BBS4: variants seen among roughly 807,000 people sequenced by gnomAD.
BBS4 encodes BBSome complex member BBS4.
A neutral mutation model predicts 71.4 loss-of-function variants in BBS4; 58 were observed. The observed-to-expected ratio is 0.81, with a 90% confidence interval of 0.66 to 1.01. The LOEUF is 1.01. Among genes scored for constraint, BBS4 ranks in the 50% least tolerant of loss-of-function variants. The pLI is 0.00. For missense variants in BBS4, 660 were observed against 607.9 expected (o/e 1.09, Z -0.90); for synonymous variants, 228 against 216.8 (o/e 1.05, Z -0.46).
intron 13 of BBS4, 119 bp downstream of exon 13, chr15:72,735,301 T>C: frequency 1.3e-6 from 1 of 770,532 alleles, no homozygotes; most frequent in Non-Finnish European, 2.3e-6. Context: ...ATGGCATTAG[T>C]ACATAGCAGA....
intron 4 of BBS4, among the ~76,000 whole-genome samples, chr15:72,712,614 A>G (rs1461021658): frequency 6.6e-6 from 1 of 152,236 alleles, no homozygotes; most frequent in Non-Finnish European, 1.5e-5. Context: ...AAACAGTGGT[A>G]AGTGTATCTA....
At position 72,725,057 on chromosome 15, in the gene BBS4, T is replaced by TATATAG. The variant is rs369692212; in HGVS notation, c.587+403_587+404insTATAGA. ...ATCTGGCTATATATATATATATATA[T>TATATAG]AGAGAGAGAGAGAGAGAGAGAGAGA... On this transcript the variant is annotated intron_variant, in intron 8 of 15. Transcript: ENST00000268057. Among the ~76,000 whole-genome samples the TATATAG allele has an allele frequency of 7.0e-3, 891 of 127,626 alleles. 5 individuals carry two copies. The highest frequency in any genetic ancestry group is 0.012 in the Middle Eastern group (3 of 256). The allele number at this position is 127,626 out of a possible 152,430, so 83.7% of individuals were successfully genotyped here. A position where few individuals can be genotyped will look rare whatever the true frequency, so the allele number is the denominator to read the frequency against.
At chr15:72,706,668 A>G (rs2065269291) in intron 2 of BBS4, among the ~76,000 whole-genome samples, 1 of 152,174 alleles carries the variant, frequency 6.6e-6, no homozygotes, top group African/African-American at 2.4e-5. Flanking sequence ...TTCTACTAAG[A>G]AAATGTGTGT....
At chr15:72,720,342 G>A (rs1361648471) in intron 6 of BBS4, among the ~76,000 whole-genome samples, 1 of 151,804 alleles carries the variant, frequency 6.6e-6, no homozygotes, top group African/African-American at 2.4e-5. Context: ...AAAAATTAGT[G>A]GTCGTGTGCA....
intron 7 of BBS4, 144 bp from the exon 8 acceptor site, chr15:72,724,384 T>A: frequency 8.6e-7 from 1 of 1,166,700 alleles, no homozygotes; most frequent in Non-Finnish European, 1.2e-6. Flanking sequence ...TGGTATGTTT[T>A]GGTCTTTGGG....
chr15:72,711,083 G>A (rs2065362115), intron 3 of BBS4, among the ~76,000 whole-genome samples: 1 of 151,576 alleles, frequency 6.6e-6, no homozygotes, highest in Non-Finnish European at 1.5e-5. Flanking sequence ...TTACAGGCGT[G>A]AGCCACCGCA....
chr15:72,709,179 C>T (rs1376032307), intron 2 of BBS4, among the ~76,000 whole-genome samples: 2 of 152,208 alleles, frequency 1.3e-5, no homozygotes, highest in Non-Finnish European at 2.9e-5. Context: ...GCTTATTTTG[C>T]AGCTCAGGTG....
Position 72,735,111 on chromosome 15 carries a change from A to G in BBS4, c.1037-2A>G. The G allele has an allele frequency of 6.2e-7, 1 of 1,612,512 alleles. No individual in the cohort carries two copies. Among genetic ancestry groups the G allele is most frequent in the Non-Finnish European group, 8.5e-7 (1 of 1,178,600 alleles). On this transcript the variant is annotated splice_acceptor_variant, in intron 12 of 15. Transcript: ENST00000268057. LOFTEE classifies it high-confidence loss of function. ...CCAGCTGCAGTGCTTTCTTTGTTGC[A>G]GTGGCTCTGACCAATCTGGAAGATA...
At chr15:72,700,400 C>T (rs1031153727) in intron 2 of BBS4, among the ~76,000 whole-genome samples, 1 of 152,154 alleles carries the variant, frequency 6.6e-6, no homozygotes, top group Non-Finnish European at 1.5e-5. Flanking sequence ...CAGTTTTACC[C>T]GACCGCCAGC....
At chr15:72,695,303 T>A (rs1030259232) in intron 2 of BBS4, 75 bp downstream of exon 2, 7 of 1,117,952 alleles carry the variant, frequency 6.3e-6, no homozygotes, top group Non-Finnish European at 7.7e-6. Flanking sequence ...TTATTTTTTT[T>A]TTTGGAGGCA....
At chr15:72,705,865 G>C (rs749188883) in intron 2 of BBS4, among the ~76,000 whole-genome samples, 1 of 152,030 alleles carries the variant, frequency 6.6e-6, no homozygotes, top group East Asian at 1.9e-4. Flanking sequence ...GGTTACAGGC[G>C]TAAACCACTA....
chr15:72,720,677 T>C (rs2065555537), intron 6 of BBS4, among the ~76,000 whole-genome samples: 1 of 152,120 alleles, frequency 6.6e-6, no homozygotes, highest in South Asian at 2.1e-4. Flanking sequence ...CTTTGGAAGA[T>C]GGAAGTTGCT....
At chr15:72,719,168 T>A (rs1246812309) in intron 6 of BBS4, among the ~76,000 whole-genome samples, 1 of 151,704 alleles carries the variant, frequency 6.6e-6, no homozygotes, top group Non-Finnish European at 1.5e-5. Context: ...GGGTGGCCAG[T>A]GCCACAAATG....
intron 5 of BBS4, 107 bp from the exon 6 acceptor site, chr15:72,716,671 G>T (rs1018674166): frequency 9.3e-6 from 8 of 863,822 alleles, no homozygotes; most frequent in Non-Finnish European, 1.5e-5. Flanking sequence ...TAGAGAAAAG[G>T]CTTCTAGAAT....
intron 2 of BBS4, among the ~76,000 whole-genome samples, chr15:72,705,505 G>A (rs1006696596): frequency 1.3e-5 from 2 of 151,542 alleles, no homozygotes; most frequent in African/African-American, 4.8e-5. Context: ...CATTTAATGA[G>A]CGTTTGGGTT....
In BBS4 at chr15:72,735,901, T is replaced by C. The variant is rs1432720059; in HGVS notation, c.1183T>C (p.Tyr395His). Residue 395 changes from tyrosine (Y) to histidine (H), a missense_variant, in exon 14 of 16, where the codon TAT becomes CAT. Transcript: ENST00000268057. The part of the protein sequence containing the change: ...QGEKKNALAQ[Y>H]QEMEKKVSLL... ...CGAGAAGAAGAACGCCCTGGCCCAATATCAGGAGATGGAGAAGAAAGTCAG... is the reference window on the plus strand; with the variant it reads ...CGAGAAGAAGAACGCCCTGGCCCAACATCAGGAGATGGAGAAGAAAGTCAG... The C allele has an allele frequency of 1.2e-6, 2 of 1,613,952 alleles. No individual in the cohort carries two copies. The highest frequency in any genetic ancestry group is 2.7e-5 in the African/African-American group (2 of 74,898).
intron 1 of BBS4, among the ~76,000 whole-genome samples, chr15:72,688,008 TTCCAC>T (rs1336896906): frequency 1.4e-5 from 2 of 146,632 alleles, no homozygotes; most frequent in East Asian, 3.9e-4. Context: ...AAGAAAATAC[TTCCAC>T]TCCAGCCTGG....
chr15:72,712,825 C>T (rs569196290), intron 4 of BBS4, among the ~76,000 whole-genome samples: 127 of 152,150 alleles, frequency 8.3e-4, no homozygotes, highest in African/African-American at 2.9e-3. Flanking sequence ...GTACACTTAG[C>T]CTACACTAAA....
intron 2 of BBS4, among the ~76,000 whole-genome samples, chr15:72,701,962 C>T (rs1341841830): frequency 6.6e-6 from 1 of 151,976 alleles, no homozygotes; most frequent in Non-Finnish European, 1.5e-5. Flanking sequence ...CTCAGCCTCC[C>T]AAGTAGCTGG....
Sources: allele counts gnomAD v4.1 joint callset (sites outside exome capture counted in the v4.1 genomes callset), GRCh38; gene constraint gnomAD v4.1.1; transcripts MANE v1.5; gene names NCBI Gene and HGNC (gene_info 2026-07-23, HGNC 2026-07-21).